Variants in PREX1 observed in about 807,000 individuals in gnomAD.
PREX1 encodes phosphatidylinositol-3,4,5-trisphosphate dependent Rac exchange factor 1.
In PREX1, 41 loss-of-function variants were observed where a neutral mutation model predicts 198.3. That is an observed-to-expected ratio of 0.21 (90% CI 0.16 to 0.27). The LOEUF is 0.27. Among genes scored for constraint, PREX1 ranks in the 10% least tolerant of loss-of-function variants. The probability of loss-of-function intolerance (pLI) is 1.00; values close to 1 mark genes in which losing one functional copy is unlikely to be tolerated. For synonymous variants in PREX1, 843 were observed against 887.2 expected (o/e 0.95, Z 0.89); for missense variants, 1,620 against 2,200.7 (o/e 0.74, Z 5.28).
chr20:48,637,910 A>G (rs931406263), intron 30 of PREX1, among the ~76,000 whole-genome samples, 158 bp from the exon 31 acceptor site: 3 of 152,138 alleles, frequency 2.0e-5, no homozygotes, highest in African/African-American at 7.2e-5. Context: ...GGTTTTATTG[A>G]TTGTCAGGTA....
At chr20:48,886,897 C>G in the PREX1 span, among the ~76,000 whole-genome samples, 1,269 of 152,258 alleles carry the variant, frequency 8.3e-3, 9 homozygotes, top group African/African-American at 0.028. Flanking sequence ...GCTCCAAGAC[C>G]CTGTTGATCT....
chr20:48,771,273 AT>A (rs2090234405), intron 1 of PREX1, among the ~76,000 whole-genome samples: 1 of 150,542 alleles, frequency 6.6e-6, no homozygotes, highest in Admixed American at 6.6e-5. Context: ...GTTGTTGCCG[AT>A]TTTGAGCGCT....
chr20:48,784,375 T>C (rs2090302829), intron 1 of PREX1, among the ~76,000 whole-genome samples: 1 of 152,156 alleles, frequency 6.6e-6, no homozygotes. Flanking sequence ...TCATGCAATG[T>C]TGTTATTACA....
At chr20:48,850,292 G>A in the PREX1 span, among the ~76,000 whole-genome samples, 1 of 152,182 alleles carries the variant, frequency 6.6e-6, no homozygotes, top group South Asian at 2.1e-4. Context: ...AGGGCCGAGG[G>A]GAGGAAACCC....
chr20:48,732,808 T>C (rs1158593092), intron 4 of PREX1, among the ~76,000 whole-genome samples: 2 of 152,156 alleles, frequency 1.3e-5, no homozygotes, highest in South Asian at 2.1e-4. Context: ...GGGGAGGAGA[T>C]GTGTGCAGCT....
the PREX1 span, among the ~76,000 whole-genome samples, chr20:48,877,221 A>G: frequency 6.6e-6 from 1 of 152,048 alleles, no homozygotes; most frequent in South Asian, 2.1e-4. Context: ...CAGTGAGCCA[A>G]GATCGTGCCA....
chr20:48,748,825 T>G (rs556782371), intron 1 of PREX1, among the ~76,000 whole-genome samples: 3 of 152,270 alleles, frequency 2.0e-5, no homozygotes, highest in African/African-American at 7.2e-5. Context: ...GATTTGGGTG[T>G]TGTTGTGGTT....
At position 48,688,640 on chromosome 20, in the gene PREX1, A is replaced by C; in HGVS notation, c.1334+17T>G. ...GAGAGCCCAGGGACCCAGGGAGTTCAGAGTGAGGCTACTCACTTGCCAAGA... is the reference window on the plus strand; with the variant it reads ...GAGAGCCCAGGGACCCAGGGAGTTCCGAGTGAGGCTACTCACTTGCCAAGA... On this transcript the variant is annotated intron_variant, in intron 10 of 39. Coordinates refer to ENST00000371941, the MANE Select transcript of PREX1 (RefSeq NM_020820.4). 1.2e-6 allele frequency: 2 copies of C among 1,613,896 alleles called. No homozygotes were observed. The highest frequency in any genetic ancestry group is 2.7e-5 in the African/African-American group (2 of 74,928).
intron 1 of PREX1, among the ~76,000 whole-genome samples, chr20:48,795,569 C>T (rs950519293): frequency 4.6e-5 from 7 of 151,792 alleles, no homozygotes; most frequent in Non-Finnish European, 2.9e-5. Context: ...AACAAAGCCC[C>T]AAATGTCACT....
intron 35 of PREX1, among the ~76,000 whole-genome samples, chr20:48,631,456 G>A (rs557314951): frequency 8.5e-5 from 13 of 152,282 alleles, no homozygotes; most frequent in Middle Eastern, 3.4e-3. Context: ...TGCCCGGCCC[G>A]CAGAAGGCCT....
intron 9 of PREX1, 150 bp from the exon 10 acceptor site, chr20:48,688,954 T>C (rs951716056): frequency 2.2e-6 from 2 of 892,624 alleles, no homozygotes; most frequent in Non-Finnish European, 1.7e-6. Context: ...CAGCAGCAGC[T>C]AGAGGGCACT....
chr20:48,648,227 G>T (rs1317398815), intron 25 of PREX1, among the ~76,000 whole-genome samples: 1 of 152,192 alleles, frequency 6.6e-6, no homozygotes, highest in Non-Finnish European at 1.5e-5. Context: ...TTTAAAACAA[G>T]TCCAAGATAA....
chr20:48,688,928 T>A, intron 9 of PREX1, 124 bp from the exon 10 acceptor site: 2 of 1,136,886 alleles, frequency 1.8e-6, no homozygotes, highest in South Asian at 1.4e-5. Flanking sequence ...CCACCTGCCC[T>A]CCACCACCAC....
At chr20:48,710,791 T>A (rs569275754) in intron 5 of PREX1, among the ~76,000 whole-genome samples, 92 of 152,360 alleles carry the variant, frequency 6.0e-4, no homozygotes, top group Non-Finnish European at 1.1e-3. Context: ...CGGGCCACAC[T>A]GCGTCTGCAG....
At chr20:48,805,532 T>C (rs1264538717) in intron 1 of PREX1, among the ~76,000 whole-genome samples, 2 of 152,192 alleles carry the variant, frequency 1.3e-5, no homozygotes, top group Non-Finnish European at 1.5e-5. Flanking sequence ...GCCCGAAGTG[T>C]TGTGGTGACT....
rs757197701 is a variant in PREX1 at position 48,632,434 on chromosome 20, G to C, written c.4412-43C>G. 9.3e-6 allele frequency: 15 copies of C among 1,613,010 alleles called. No homozygotes were observed. The South Asian group carries it at 1.6e-4, about 18-fold the overall frequency. On this transcript the variant is annotated intron_variant, in intron 34 of 39. Transcript: ENST00000371941. ...GGGGGCGGGCAGGCGGTTGGGAGCC[G>C]GTGTGCTTGGTGGCCTTGGCCCGGC... is the stretch of plus-strand genomic sequence containing the variant.
intron 16 of PREX1, among the ~76,000 whole-genome samples, chr20:48,658,994 C>T (rs1421915548): frequency 4.0e-5 from 6 of 151,754 alleles, no homozygotes; most frequent in African/African-American, 1.2e-4. Context: ...TTTGGGAGGC[C>T]GAGACGGGTT....
At chr20:48,628,196 C>T (rs893982269) in intron 37 of PREX1, among the ~76,000 whole-genome samples, 1 of 152,200 alleles carries the variant, frequency 6.6e-6, no homozygotes, top group African/African-American at 2.4e-5. Flanking sequence ...GGTGCTTCCC[C>T]GTCTGCAGAA....
intron 33 of PREX1, among the ~76,000 whole-genome samples, chr20:48,634,168 A>ATGGACAGACGGATGAC (rs1555829159): frequency 9.3e-6 from 1 of 107,800 alleles, no homozygotes; most frequent in Non-Finnish European, 2.1e-5. Context: ...GGATGGATGG[A>ATGGACAGACGGATGAC]TGGATGCATG....
Sources: gnomAD v4.1 joint callset for allele counts (sites outside exome capture counted in the v4.1 genomes callset) on GRCh38, gnomAD v4.1.1 for gene constraint, MANE v1.5 for transcripts, NCBI Gene and HGNC (gene_info 2026-07-23, HGNC 2026-07-21) for gene names.